LRFN5: variants seen among roughly 807,000 people sequenced by gnomAD.
LRFN5 encodes the protein leucine rich repeat and fibronectin type III domain containing 5.
In LRFN5, 24 loss-of-function variants were observed where a neutral mutation model predicts 45.6. The observed-to-expected ratio is 0.53, with a 90% CI of 0.38 to 0.74. The LOEUF is 0.74. Among genes scored for constraint, LRFN5 ranks in the 30% least tolerant of loss-of-function variants. The pLI is 0.00. For synonymous variants in LRFN5, 340 were observed against 313.8 expected (o/e 1.08, Z -0.88); for missense variants, 776 against 861.5 (o/e 0.90, Z 1.24).
chr14:41,903,993 G>T (rs1891174146), intron 5 of LRFN5, among the ~76,000 whole-genome samples, 165 bp from the exon 6 acceptor site: 2 of 152,026 alleles, frequency 1.3e-5, no homozygotes, highest in Admixed American at 6.6e-5. Context: ...TGCATGTTTA[G>T]ATAGTTTTCA....
intron 1 of LRFN5, among the ~76,000 whole-genome samples, chr14:41,639,532 T>C (rs1257384936): frequency 6.6e-6 from 1 of 152,120 alleles, no homozygotes; most frequent in Non-Finnish European, 1.5e-5. Context: ...AGTTTGTTCA[T>C]TTATGAAATA....
intron 2 of LRFN5, among the ~76,000 whole-genome samples, chr14:41,795,059 G>A (rs1387524177): frequency 6.6e-6 from 1 of 151,926 alleles, no homozygotes; most frequent in Non-Finnish European, 1.5e-5. Flanking sequence ...TAAGTGGGCT[G>A]TAAATGTTTG....
At chr14:41,757,090 A>G (rs1386831196) in intron 1 of LRFN5, among the ~76,000 whole-genome samples, 1 of 152,134 alleles carries the variant, frequency 6.6e-6, no homozygotes, top group Non-Finnish European at 1.5e-5. Context: ...TGAACAGCAA[A>G]TGTTGCTGCC....
At chr14:41,869,433 T>A (rs1258793556) in intron 2 of LRFN5, among the ~76,000 whole-genome samples, 21 of 151,988 alleles carry the variant, frequency 1.4e-4, no homozygotes, top group African/African-American at 4.8e-4. Context: ...TGCAGCTTTT[T>A]TTTTTTTAAA....
chr14:41,626,739 G>A (rs1440457527), intron 1 of LRFN5, among the ~76,000 whole-genome samples: 2 of 151,856 alleles, frequency 1.3e-5, no homozygotes, highest in Non-Finnish European at 2.9e-5. Context: ...CAATTTCAAC[G>A]TAATTTTAAG....
intron 1 of LRFN5, among the ~76,000 whole-genome samples, chr14:41,668,789 T>C (rs979887611): frequency 6.6e-6 from 1 of 152,192 alleles, no homozygotes; most frequent in African/African-American, 2.4e-5. Flanking sequence ...AGCATTTTTG[T>C]AATAATTGGA....
At chr14:41,680,701 C>CT (rs1566618459) in intron 1 of LRFN5, among the ~76,000 whole-genome samples, 1 of 152,024 alleles carries the variant, frequency 6.6e-6, no homozygotes, top group Non-Finnish European at 1.5e-5. Context: ...AAATACTTAA[C>CT]TCTTTAATTC....
chr14:41,748,489 G>C (rs546248467), intron 1 of LRFN5, among the ~76,000 whole-genome samples: 17 of 152,204 alleles, frequency 1.1e-4, no homozygotes, highest in African/African-American at 3.8e-4. Flanking sequence ...ACAGTGGAAT[G>C]GTGATTGCAA....
chr14:41,835,632 G>A (rs567189352), intron 2 of LRFN5, among the ~76,000 whole-genome samples: 1 of 152,242 alleles, frequency 6.6e-6, no homozygotes, highest in Non-Finnish European at 1.5e-5. Context: ...ATGCTGAGGT[G>A]GGAGGGTCGC....
rs762311235 is a variant in LRFN5, at chr14:41,798,813, C to T, written c.-21+31784C>T. Among the ~76,000 whole-genome samples the T allele has an allele frequency of 5.3e-5, 8 of 151,956 alleles. 1 individual carries two copies. Among genetic ancestry groups the T allele is most frequent in the African/African-American group, 1.9e-4 (8 of 41,486 alleles). On this transcript the variant is annotated intron_variant, in intron 2 of 5. Coordinates refer to ENST00000298119, the MANE Select transcript of LRFN5 (RefSeq NM_152447.5). ...AATTTGGACTCAGTTTCACTTTTCA[C>T]GTAATCACACAGGTTTTCTACTATT...
intron 1 of LRFN5, among the ~76,000 whole-genome samples, chr14:41,727,478 T>C (rs992940463): frequency 6.6e-6 from 1 of 151,772 alleles, no homozygotes; most frequent in Non-Finnish European, 1.5e-5. Flanking sequence ...GAAAAAAAAT[T>C]AGCCAGTCAT....
chr14:41,650,326 A>G (rs978555602), intron 1 of LRFN5, among the ~76,000 whole-genome samples: 2 of 151,954 alleles, frequency 1.3e-5, no homozygotes, highest in African/African-American at 2.4e-5. Flanking sequence ...TACCTATAAT[A>G]TTAATATAAA....
In LRFN5 at chr14:41,841,077, GA is replaced by G. The variant is rs537156159; in HGVS notation, c.-20-45519del. ...TATGGTATGTGTCTGTAGCAATATGGAAAAAAAAAACCACTTTTCTTCTACA... is the reference window on the plus strand; with the variant it reads ...TATGGTATGTGTCTGTAGCAATATGGAAAAAAAAACCACTTTTCTTCTACA... On this transcript the variant is annotated intron_variant, in intron 2 of 5. Transcript: ENST00000298119. Among the ~76,000 whole-genome samples the G allele has an allele frequency of 6.3e-3, 918 of 145,426 alleles. 8 individuals are homozygous for G. The highest frequency in any genetic ancestry group is 7.2e-3 in the Non-Finnish European group (474 of 65,748).
chr14:41,758,868 A>T (rs12435468), intron 1 of LRFN5, among the ~76,000 whole-genome samples: 34,814 of 151,958 alleles, frequency 0.23, 4,984 homozygotes, highest in East Asian at 0.73. Flanking sequence ...CTTCTTTTTG[A>T]GTCATCTTTT....
chr14:41,783,808 C>T (rs1427859466), intron 2 of LRFN5, among the ~76,000 whole-genome samples: 3 of 152,064 alleles, frequency 2.0e-5, no homozygotes, highest in African/African-American at 4.8e-5. Flanking sequence ...TCATGTATTA[C>T]TCTGAAGATT....
chr14:41,882,846 C>CTTTTTT (rs71105409), intron 2 of LRFN5, among the ~76,000 whole-genome samples: 5 of 107,288 alleles, frequency 4.7e-5, no homozygotes, highest in Admixed American at 1.2e-4. Context: ...TGTATTTCCT[C>CTTTTTT]TTTTTTTTTT....
intron 1 of LRFN5, among the ~76,000 whole-genome samples, chr14:41,628,120 C>T (rs1458664615): frequency 1.3e-5 from 2 of 152,136 alleles, no homozygotes; most frequent in African/African-American, 4.8e-5. Flanking sequence ...AGAGACTGTT[C>T]TGTAAAGGTG....
intron 1 of LRFN5, among the ~76,000 whole-genome samples, chr14:41,623,235 A>T (rs1453245214): frequency 6.6e-6 from 1 of 152,134 alleles, no homozygotes; most frequent in Non-Finnish European, 1.5e-5. Flanking sequence ...CTGTGGTGAT[A>T]CAGTTAGACT....
chr14:41,842,023 A>G (rs1325135064), intron 2 of LRFN5, among the ~76,000 whole-genome samples: 1 of 151,956 alleles, frequency 6.6e-6, no homozygotes, highest in Non-Finnish European at 1.5e-5. Flanking sequence ...GTGCTATAGT[A>G]CATATTCCCC....
Sources: gnomAD v4.1 joint callset for allele counts (sites outside exome capture counted in the v4.1 genomes callset) on GRCh38, gnomAD v4.1.1 for gene constraint, MANE v1.5 for transcripts, NCBI Gene and HGNC (gene_info 2026-07-23, HGNC 2026-07-21) for gene names.